Variants in GGNBP2 observed in about 807,000 individuals in gnomAD.
GGNBP2 encodes the protein gametogenetin-binding protein 2.
A neutral mutation model predicts 85.9 loss-of-function variants in GGNBP2; 10 were observed. That is an observed-to-expected ratio of 0.12 (90% CI 0.07 to 0.20). GGNBP2 has a LOEUF of 0.20. Ranked by LOEUF, GGNBP2 falls within the 10% of genes least tolerant of loss-of-function variation. The pLI is 1.00. For missense variants in GGNBP2, 595 were observed against 857.8 expected, an observed-to-expected ratio of 0.69 and a Z score of 3.83; for synonymous variants, 287 against 285.7, an observed-to-expected ratio of 1.00 and a Z score of -0.05.
In GGNBP2 at chr17:36,581,587, A is replaced by G. The variant is rs1200225720; in HGVS notation, c.1215+49A>G. The G allele has an allele frequency of 7.2e-6, 10 of 1,392,430 alleles. No homozygotes were observed. The South Asian group carries it at 7.8e-5, about 11-fold the overall frequency. The allele number at this position is 1,392,430 out of a possible 1,614,324, so 86.3% of individuals were successfully genotyped here. A position where few individuals can be genotyped will look rare whatever the true frequency, so the allele number is the denominator to read the frequency against. On this transcript the variant is annotated intron_variant, in intron 9 of 13. Coordinates refer to ENST00000613102, the MANE Select transcript of GGNBP2 (RefSeq NM_024835.5). ...TTAAGTGTGTATGTATTGCTTGTAG[A>G]TAGAAGTACAGGCCAGGTGTGGTGG... is the stretch of plus-strand genomic sequence containing the variant.
intron 6 of GGNBP2, chr17:36,575,020 C>A (rs1241632365): frequency 5.3e-6 from 8 of 1,523,732 alleles, no homozygotes; most frequent in Non-Finnish European, 7.1e-6. Context: ...GCATAATCTT[C>A]AAAACCTCGT....
intron 4 of GGNBP2, among the ~76,000 whole-genome samples, chr17:36,558,733 G>A (rs2074388276): frequency 6.6e-6 from 1 of 151,418 alleles, no homozygotes; most frequent in African/African-American, 2.4e-5. Flanking sequence ...TCGGATTACA[G>A]GCGTGAGCCA....
At chr17:36,575,142 C>T (rs2074563690) in intron 6 of GGNBP2, 1 of 699,406 alleles carries the variant, frequency 1.4e-6, no homozygotes, top group Admixed American at 2.0e-5. Flanking sequence ...ACCAGGCGGC[C>T]CAGCTTGGTG....
At chr17:36,563,580 C>A (rs1053811724) in intron 5 of GGNBP2, among the ~76,000 whole-genome samples, 1 of 146,488 alleles carries the variant, frequency 6.8e-6, no homozygotes, top group Non-Finnish European at 1.5e-5. Flanking sequence ...TAGATTTTAC[C>A]TGTTTCTGGT....
chr17:36,566,411 G>A (rs932884474), intron 5 of GGNBP2, among the ~76,000 whole-genome samples: 1 of 152,190 alleles, frequency 6.6e-6, no homozygotes, highest in African/African-American at 2.4e-5. Flanking sequence ...TGTAATCCCA[G>A]CCCTTTGGGA....
At chr17:36,573,016 A>G (rs1314714281) in intron 6 of GGNBP2, among the ~76,000 whole-genome samples, 1 of 152,234 alleles carries the variant, frequency 6.6e-6, no homozygotes, top group African/African-American at 2.4e-5. Flanking sequence ...ATGTTGTAGC[A>G]TATGACAGGA....
chr17:36,557,311 C>G lies in GGNBP2; in HGVS notation c.403C>G (p.Leu135Val). Residue 135 changes from leucine to valine, a missense_variant, in exon 4 of 14, where the codon CTT becomes GTT. Coordinates refer to ENST00000613102, the MANE Select transcript of GGNBP2 (RefSeq NM_024835.5). ...AAGCTGCATGACTGATGCAAAGAAG[C>G]TTTATACATTATTTTATGTACATGG... ...TRSCMTDAKK[L>V]YTLFYVHGSK... The G allele has an allele frequency of 8.1e-6, 13 of 1,613,756 alleles. No individual in the cohort carries two copies. The highest frequency in any genetic ancestry group is 1.1e-5 in the Non-Finnish European group (13 of 1,179,706).
At chr17:36,585,554 C>T in intron 10 of GGNBP2, 104 bp downstream of exon 10, 1 of 782,078 alleles carries the variant, frequency 1.3e-6, no homozygotes, top group Non-Finnish European at 2.0e-6. Flanking sequence ...TTTAAAACTG[C>T]TTTATAGTTC....
chr17:36,560,652 T>G, intron 4 of GGNBP2, 121 bp from the exon 5 acceptor site: 1 of 588,460 alleles, frequency 1.7e-6, no homozygotes, highest in Non-Finnish European at 2.9e-6. Flanking sequence ...ACAGTGGGGA[T>G]AGAGAAAAGT....
At chr17:36,564,054 A>G (rs2074446088) in intron 5 of GGNBP2, among the ~76,000 whole-genome samples, 2 of 152,294 alleles carry the variant, frequency 1.3e-5, no homozygotes, top group South Asian at 4.1e-4. Context: ...CCAATTTGTC[A>G]GTATCTTTTA....
chr17:36,564,151 C>A (rs1435624877), intron 5 of GGNBP2, among the ~76,000 whole-genome samples: 3 of 152,174 alleles, frequency 2.0e-5, no homozygotes, highest in Non-Finnish European at 2.9e-5. Context: ...ACTCTAAATG[C>A]AGAGTACAGG....
At chr17:36,571,187 C>CT (rs1567826859) in intron 6 of GGNBP2, among the ~76,000 whole-genome samples, 1 of 152,144 alleles carries the variant, frequency 6.6e-6, no homozygotes, top group African/African-American at 2.4e-5. Flanking sequence ...AATTCCAACA[C>CT]TTTGGGAAGC....
At chr17:36,581,712 T>A (rs2074652391) in intron 9 of GGNBP2, 174 bp downstream of exon 9, 1 of 399,214 alleles carries the variant, frequency 2.5e-6, no homozygotes, top group African/African-American at 2.1e-5. Context: ...GAGATCTCTA[T>A]CTCTATTTAT....
chr17:36,578,395 C>T (rs915482580), intron 7 of GGNBP2: 9 of 483,718 alleles, frequency 1.9e-5, no homozygotes, highest in Admixed American at 7.5e-5. Context: ...TGGTTCAGTC[C>T]TCTGCTAGTT....
intron 5 of GGNBP2, among the ~76,000 whole-genome samples, chr17:36,566,066 A>G (rs1267688689): frequency 6.6e-6 from 1 of 152,208 alleles, no homozygotes; most frequent in East Asian, 1.9e-4. Context: ...GGGTTGAGAA[A>G]TACCCATTTA....
At chr17:36,572,310 G>A (rs2074533723) in intron 6 of GGNBP2, among the ~76,000 whole-genome samples, 1 of 152,186 alleles carries the variant, frequency 6.6e-6, no homozygotes, top group Admixed American at 6.5e-5. Context: ...ACCTGAAAAT[G>A]TGGAAGTATT....
chr17:36,579,011 G>C (rs560349673), intron 7 of GGNBP2: 1 of 464,600 alleles, frequency 2.2e-6, no homozygotes, highest in Non-Finnish European at 3.9e-6. Flanking sequence ...TTTAGAGCCA[G>C]TTCCTGAATT....
At chr17:36,579,126 G>A in intron 7 of GGNBP2, 119 bp from the exon 8 acceptor site, 1 of 767,634 alleles carries the variant, frequency 1.3e-6, no homozygotes, top group Non-Finnish European at 2.2e-6. Flanking sequence ...GAGTGTAAAT[G>A]TATAACTGTC....
At chr17:36,567,491 G>T (rs1225609644) in intron 5 of GGNBP2, among the ~76,000 whole-genome samples, 172 bp from the exon 6 acceptor site, 6 of 152,190 alleles carry the variant, frequency 3.9e-5, no homozygotes, top group African/African-American at 1.4e-4. Context: ...AAGTACAGAT[G>T]AGAAATAGTG....
Sources: gnomAD v4.1 joint callset for allele counts (sites outside exome capture counted in the v4.1 genomes callset) on GRCh38, gnomAD v4.1.1 for gene constraint, MANE v1.5 for transcripts, NCBI Gene and HGNC (gene_info 2026-07-23, HGNC 2026-07-21) for gene names.